Variants in PARP8 observed in about 807,000 individuals in gnomAD.
PARP8 encodes the protein protein mono-ADP-ribosyltransferase PARP8.
Under a neutral mutation model 124.1 loss-of-function variants are expected in PARP8, and 51 were observed. That is an observed-to-expected ratio of 0.41 (90% CI 0.33 to 0.52). The LOEUF (loss-of-function observed/expected upper bound fraction) is 0.52, where lower values mean the gene tolerates loss of function less well. PARP8 is among the 20% of genes least tolerant of loss of function. The pLI is 0.21. For synonymous variants in PARP8, 391 were observed against 361.5 expected, an observed-to-expected ratio of 1.08 and a Z score of -0.93; for missense variants, 860 against 1,018.9, an observed-to-expected ratio of 0.84 and a Z score of 2.12.
At chr5:50,739,729 TATA>T (rs1453658414) in intron 2 of PARP8, among the ~76,000 whole-genome samples, 11,423 of 75,154 alleles carry the variant, frequency 0.15, 1,107 homozygotes, top group East Asian at 0.25. Flanking sequence ...TATATATATA[TATA>T]TTTTTTTTTT....
intron 2 of PARP8, among the ~76,000 whole-genome samples, chr5:50,738,825 C>T (rs558183084): frequency 1.3e-5 from 2 of 152,130 alleles, no homozygotes; most frequent in African/African-American, 4.8e-5. Flanking sequence ...ATGTGGGCCA[C>T]GGCTTGGACG....
chr5:50,770,761 C>T (rs1455880668), intron 7 of PARP8, among the ~76,000 whole-genome samples: 1 of 151,832 alleles, frequency 6.6e-6, no homozygotes, highest in East Asian at 1.9e-4. Flanking sequence ...AAGATGGATG[C>T]GGCAGAGACT....
chr5:50,776,082 G>C (rs1297354703), intron 7 of PARP8, among the ~76,000 whole-genome samples: 1 of 152,182 alleles, frequency 6.6e-6, no homozygotes, highest in Non-Finnish European at 1.5e-5. Context: ...CTAATTTGTT[G>C]AGAGTTTTCA....
chr5:50,714,238 A>G (rs1274743481), intron 2 of PARP8, among the ~76,000 whole-genome samples: 2 of 151,712 alleles, frequency 1.3e-5, no homozygotes, highest in Admixed American at 6.6e-5. Context: ...CTTACACACA[A>G]CAGCTCACCA....
In PARP8 at chr5:50,747,158, G is replaced by GT. The variant is rs1370932889; in HGVS notation, c.147-2989dup. 2.1e-3 allele frequency among the ~76,000 whole-genome samples: 170 copies of GT among 82,132 alleles called. 1 individual carries two copies. Among genetic ancestry groups the GT allele is most frequent in the African/African-American group, 6.6e-3 (138 of 20,828 alleles). The allele number at this position is 82,132 out of a possible 152,430, so 53.9% of individuals were successfully genotyped here. ...CAGTTATGGTTTTTTTTGTTTGTTT[G>GT]TTTTGTTTTTTTTTTTTTTTTTGTC... On this transcript the variant is annotated intron_variant, in intron 2 of 25. Transcript: ENST00000281631.
At chr5:50,693,252 G>C (rs1352046985) in intron 2 of PARP8, among the ~76,000 whole-genome samples, 1 of 152,126 alleles carries the variant, frequency 6.6e-6, no homozygotes, top group African/African-American at 2.4e-5. Flanking sequence ...AGCTACTATG[G>C]CTCAGCCTTT....
At chr5:50,763,024 T>C (rs575744463) in intron 6 of PARP8, 124 bp from the exon 7 acceptor site, 11 of 634,786 alleles carry the variant, frequency 1.7e-5, no homozygotes, top group Non-Finnish European at 2.8e-5. Flanking sequence ...TTAGTGAATA[T>C]ATTACTTTAT....
chr5:50,830,982 C>A (rs1481618672), intron 22 of PARP8, among the ~76,000 whole-genome samples: 1 of 152,000 alleles, frequency 6.6e-6, no homozygotes, highest in Non-Finnish European at 1.5e-5. Flanking sequence ...AAGAGAACTA[C>A]CTAATTTATT....
Position 50,763,227 on chromosome 5 carries a change from A to G in PARP8, c.503A>G (p.His168Arg). 2 of 1,610,612 alleles carry G rather than the reference A, an allele frequency of 1.2e-6. No homozygotes were observed. The highest frequency in any genetic ancestry group is 1.7e-6 in the Non-Finnish European group (2 of 1,176,848). The part of the protein sequence containing the change: ...LSAVREIYGP[H>R]AVSLREYGAI... ...GCAGTTAGAGAGATATATGGGCCAC[A>G]TGCAGTTTCTCTCAGGTAAATAAGT... The change falls in exon 7 of 26, where the codon CAT becomes CGT. Residue 168 changes from histidine to arginine, a missense_variant. Physicochemically the swap from His to Arg is conservative, Grantham distance 29. Coordinates refer to ENST00000281631, the MANE Select transcript of PARP8 (RefSeq NM_024615.4).
chr5:50,718,779 A>G (rs1017475798), intron 2 of PARP8, among the ~76,000 whole-genome samples: 1 of 152,036 alleles, frequency 6.6e-6, no homozygotes, highest in Non-Finnish European at 1.5e-5. Flanking sequence ...ATCAGTAAGC[A>G]TGGGAGTGCA....
intron 23 of PARP8, 31 bp downstream of exon 23, chr5:50,832,885 A>T (rs1312144730): frequency 4.4e-6 from 7 of 1,595,852 alleles, no homozygotes; most frequent in Admixed American, 1.7e-5. Flanking sequence ...ACTGCTTATG[A>T]TTAGTGAACT....
chr5:50,734,257 A>G (rs1342701594), intron 2 of PARP8, among the ~76,000 whole-genome samples: 1 of 151,968 alleles, frequency 6.6e-6, no homozygotes, highest in Admixed American at 6.5e-5. Flanking sequence ...TGGGGTTAGG[A>G]TGAGCATTGG....
chr5:50,767,595 C>T (rs781297459), intron 7 of PARP8, among the ~76,000 whole-genome samples: 6 of 152,140 alleles, frequency 3.9e-5, no homozygotes, highest in Non-Finnish European at 8.8e-5. Flanking sequence ...TATACTGTAC[C>T]TCTTATGCAC....
chr5:50,843,303 G>A lies in PARP8; in HGVS notation c.*1235G>A, dbSNP rs1374621218. The A allele has an allele frequency of 6.6e-6, 1 of 151,584 alleles. No homozygotes were observed. Among genetic ancestry groups the A allele is most frequent in the Non-Finnish European group, 1.5e-5 (1 of 67,760 alleles). 9.4% of individuals were successfully genotyped at this position (151,584 alleles called of 1,614,324 possible). A position where few individuals can be genotyped will look rare whatever the true frequency, so the allele number is the denominator to read the frequency against. On this transcript the variant is annotated 3_prime_UTR_variant, in exon 26 of 26. Coordinates refer to ENST00000281631, the MANE Select transcript of PARP8 (RefSeq NM_024615.4). ...CTTTGGAATAAGGCCATTCATGAAA[G>A]CAGTTTAATTAGTGAGTCTGCCACT... is the stretch of plus-strand genomic sequence containing the variant.
At chr5:50,695,921 TTA>T (rs1348080182) in intron 2 of PARP8, among the ~76,000 whole-genome samples, 1 of 152,178 alleles carries the variant, frequency 6.6e-6, no homozygotes, top group African/African-American at 2.4e-5. Flanking sequence ...TGAGTTGAAT[TTA>T]CTGTTAATTT....
intron 3 of PARP8, among the ~76,000 whole-genome samples, chr5:50,758,694 A>G (rs1391996703): frequency 1.3e-5 from 2 of 152,200 alleles, no homozygotes; most frequent in African/African-American, 4.8e-5. Flanking sequence ...TAGGACCATT[A>G]TTAATGAATT....
Position 50,778,605 on chromosome 5 carries a change from A to G in PARP8, c.625A>G (p.Ile209Val), listed in dbSNP as rs752265662. The part of the protein sequence containing the change: ...AWEVIRTEPI[I>V]VRLHCSLTQY... The stretch of plus-strand genomic sequence containing the variant: ...GGAAGTAATTCGAACAGAACCTATA[A>G]TTGTTCGACTACACTGTTCACTTAC... Residue 209 changes from isoleucine (I) to valine (V), a missense_variant, in exon 9 of 26, where the codon ATT (isoleucine) becomes GTT (valine). Ile to Val is a conservative substitution (Grantham distance 29, BLOSUM62 3). Around this residue, in one of 2 missense-constraint regions of PARP8, gnomAD observed 517 missense variants for 544.2 expected, o/e 0.95. Transcript: ENST00000281631. 38 of 1,609,758 alleles carry G rather than the reference A, an allele frequency of 2.4e-5. 2 individuals are homozygous for G. The South Asian group carries it at 4.0e-4, about 17-fold the overall frequency.
intron 2 of PARP8, among the ~76,000 whole-genome samples, chr5:50,705,035 A>G (rs191589218): frequency 2.0e-5 from 3 of 152,316 alleles, no homozygotes; most frequent in African/African-American, 7.2e-5. Context: ...AAATGGGCAA[A>G]TTTCAAACTG....
At chr5:50,797,362 T>C in intron 14 of PARP8, 129 bp downstream of exon 14, 1 of 641,258 alleles carries the variant, frequency 1.6e-6, no homozygotes, top group African/African-American at 1.9e-5. Flanking sequence ...ATTATTTACA[T>C]ATAATTTTGA....
Sources: allele counts gnomAD v4.1 joint callset (sites outside exome capture counted in the v4.1 genomes callset), GRCh38; gene constraint gnomAD v4.1.1; regional missense constraint gnomAD v4.1.1; transcripts MANE v1.5; gene names NCBI Gene and HGNC (gene_info 2026-07-23, HGNC 2026-07-21).